The following HS3ST4 variants were observed in gnomAD, a reference collection of about 807,000 sequenced individuals.
HS3ST4 encodes the protein heparan sulfate glucosamine 3-O-sulfotransferase 4.
Under a neutral mutation model 29.2 loss-of-function variants are expected in HS3ST4, and 17 were observed. The observed-to-expected ratio is 0.58, with a 90% CI of 0.40 to 0.87. The LOEUF (loss-of-function observed/expected upper bound fraction) is 0.87. HS3ST4 is among the 40% of genes least tolerant of loss of function. The pLI, the probability that HS3ST4 is intolerant of heterozygous loss-of-function variation, is 0.00. For missense variants in HS3ST4, 627 were observed against 634.5 expected (o/e 0.99, Z 0.13); for synonymous variants, 314 against 285.7 (o/e 1.10, Z -1.00).
At chr16:25,792,860 C>T (rs922358429) in intron 1 of HS3ST4, among the ~76,000 whole-genome samples, 1 of 151,704 alleles carries the variant, frequency 6.6e-6, no homozygotes, top group South Asian at 2.1e-4. Flanking sequence ...AGCTGTTTTC[C>T]AAATTTTTGA....
intron 1 of HS3ST4, among the ~76,000 whole-genome samples, chr16:26,054,763 A>G (rs1898387297): frequency 6.6e-6 from 1 of 152,004 alleles, no homozygotes; most frequent in Non-Finnish European, 1.5e-5. Flanking sequence ...AGTCAGGAGC[A>G]GGGGGCACAG....
At position 25,832,224 on chromosome 16, in the gene HS3ST4, G is replaced by A. The variant is rs117263555; in HGVS notation, c.734+139073G>A. Among the ~76,000 whole-genome samples the A allele has an allele frequency of 3.2e-3, 480 of 152,268 alleles. 3 individuals are homozygous for A. Among genetic ancestry groups the A allele is most frequent in the Non-Finnish European group, 4.6e-3 (312 of 68,028 alleles). On this transcript the variant is annotated intron_variant, in intron 1 of 1. Coordinates refer to ENST00000331351, the MANE Select transcript of HS3ST4 (RefSeq NM_006040.3). The stretch of plus-strand genomic sequence containing the variant: ...TCAGGGTCTTGTTCCTTAGTCAACC[G>A]GGGCTGATTCTCATCTAAAAACAAG...
At chr16:25,847,939 G>T (rs1039762016) in intron 1 of HS3ST4, among the ~76,000 whole-genome samples, 9 of 151,952 alleles carry the variant, frequency 5.9e-5, no homozygotes, top group African/African-American at 2.2e-4. Context: ...TCTTTTGAGG[G>T]TCTTTACTGC....
intron 1 of HS3ST4, among the ~76,000 whole-genome samples, chr16:26,108,767 T>C (rs995740880): frequency 6.6e-6 from 1 of 152,242 alleles, no homozygotes; most frequent in Non-Finnish European, 1.5e-5. Context: ...ATTTCTCAAA[T>C]AGGCTAGGAA....
At chr16:25,850,199 A>G (rs1012328303) in intron 1 of HS3ST4, among the ~76,000 whole-genome samples, 3 of 151,974 alleles carry the variant, frequency 2.0e-5, no homozygotes, top group African/African-American at 7.2e-5. Context: ...GAGTTTCTCC[A>G]TGTTGGTTAG....
chr16:25,820,933 G>A (rs961914893), intron 1 of HS3ST4, among the ~76,000 whole-genome samples: 1 of 152,024 alleles, frequency 6.6e-6, no homozygotes, highest in African/African-American at 2.4e-5. Context: ...AGTCGAATAA[G>A]TGGAATTGAT....
chr16:26,034,659 T>A (rs187775288), intron 1 of HS3ST4, among the ~76,000 whole-genome samples: 1 of 122,490 alleles, frequency 8.2e-6, no homozygotes. Context: ...CTCCATTAAA[T>A]AGCAGGGGCG....
chr16:26,096,779 G>C (rs1898931662), intron 1 of HS3ST4, among the ~76,000 whole-genome samples: 1 of 151,594 alleles, frequency 6.6e-6, no homozygotes, highest in African/African-American at 2.4e-5. Flanking sequence ...TAAAGGAAAA[G>C]AGGAAGTCAG....
chr16:25,876,004 TAGACTC>T (rs1967828531), intron 1 of HS3ST4, among the ~76,000 whole-genome samples: 2 of 152,146 alleles, frequency 1.3e-5, no homozygotes, highest in South Asian at 4.1e-4. Flanking sequence ...TTCTGGAACA[TAGACTC>T]AGAAAACCAA....
At chr16:25,842,673 T>C (rs1967427323) in intron 1 of HS3ST4, among the ~76,000 whole-genome samples, 1 of 152,140 alleles carries the variant, frequency 6.6e-6, no homozygotes, top group African/African-American at 2.4e-5. Flanking sequence ...ATCCTAGAAA[T>C]TAGGAACTTC....
intron 1 of HS3ST4, among the ~76,000 whole-genome samples, chr16:25,802,174 A>T (rs1316167391): frequency 6.6e-6 from 1 of 152,098 alleles, no homozygotes; most frequent in Non-Finnish European, 1.5e-5. Flanking sequence ...GTGGAGAAAA[A>T]CAAACAGGGA....
chr16:25,868,671 T>A (rs1967719751), intron 1 of HS3ST4, among the ~76,000 whole-genome samples: 1 of 152,174 alleles, frequency 6.6e-6, no homozygotes, highest in African/African-American at 2.4e-5. Context: ...TGTGAGTAAT[T>A]TTTTAAGGAG....
At chr16:25,707,987 T>A (rs535670931) in intron 1 of HS3ST4, among the ~76,000 whole-genome samples, 1 of 152,336 alleles carries the variant, frequency 6.6e-6, no homozygotes, top group South Asian at 2.1e-4. Flanking sequence ...GACATATGCC[T>A]GTATTCCATA....
chr16:25,735,128 G>A (rs1305394876), intron 1 of HS3ST4, among the ~76,000 whole-genome samples: 1 of 152,206 alleles, frequency 6.6e-6, no homozygotes, highest in East Asian at 1.9e-4. Flanking sequence ...CAACCCTTGG[G>A]TAAGAGGCCA....
intron 1 of HS3ST4, among the ~76,000 whole-genome samples, chr16:26,075,455 A>G (rs1178870916): frequency 6.6e-6 from 1 of 152,224 alleles, no homozygotes; most frequent in Non-Finnish European, 1.5e-5. Context: ...TCAATGCTCA[A>G]GAAAGGTTTG....
intron 1 of HS3ST4, among the ~76,000 whole-genome samples, chr16:25,906,682 C>G (rs533250978): frequency 3.3e-5 from 5 of 152,126 alleles, no homozygotes; most frequent in Non-Finnish European, 5.9e-5. Context: ...ATAGGACAGA[C>G]AGAACACACT....
At chr16:25,720,067 A>G (rs1966482776) in intron 1 of HS3ST4, among the ~76,000 whole-genome samples, 1 of 152,216 alleles carries the variant, frequency 6.6e-6, no homozygotes, top group Admixed American at 6.5e-5. Flanking sequence ...TGGTAAATGA[A>G]ATGAAGGAAA....
At chr16:25,852,434 C>T (rs903687968) in intron 1 of HS3ST4, among the ~76,000 whole-genome samples, 1 of 152,058 alleles carries the variant, frequency 6.6e-6, no homozygotes, top group African/African-American at 2.4e-5. Context: ...ATGTACCTGG[C>T]CATGCTTTGA....
rs183580315 is a variant in HS3ST4 at position 25,842,115 on chromosome 16, C to G, written c.734+148964C>G. The stretch of plus-strand genomic sequence containing the variant: ...TGGACTTTTTATCGTATGGCAAGTC[C>G]AGCTGCAGAGCATGCCCTTTTCCAG... On this transcript the variant is annotated intron_variant, in intron 1 of 1. Coordinates refer to ENST00000331351, the MANE Select transcript of HS3ST4 (RefSeq NM_006040.3). 2.1e-3 allele frequency among the ~76,000 whole-genome samples: 324 copies of G among 152,310 alleles called. 1 individual carries two copies. Among genetic ancestry groups the G allele is most frequent in the African/African-American group, 7.1e-3 (297 of 41,584 alleles).
Sources: allele counts gnomAD v4.1 joint callset (sites outside exome capture counted in the v4.1 genomes callset), GRCh38; gene constraint gnomAD v4.1.1; transcripts MANE v1.5; gene names NCBI Gene and HGNC (gene_info 2026-07-23, HGNC 2026-07-21).